TMEM131L: variants seen among roughly 807,000 people sequenced by gnomAD.
The protein encoded by TMEM131L is transmembrane protein 131-like.
In TMEM131L, 54 loss-of-function variants were observed where a neutral mutation model predicts 192.2. The observed-to-expected ratio is 0.28, with a 90% CI of 0.23 to 0.35. The LOEUF is 0.35. Among genes scored for constraint, TMEM131L ranks in the 10% least tolerant of loss-of-function variants. The pLI is 1.00. For synonymous variants in TMEM131L, 701 were observed against 704.9 expected (o/e 0.99, Z 0.09); for missense variants, 1,888 against 1,972.9 (o/e 0.96, Z 0.82).
In TMEM131L at chr4:153,587,600, C is replaced by T. The variant is rs923445462; in HGVS notation, c.1483-142C>T. ...TCAGATTTCTCTGAAAATTCCTTAA[C>T]AATTAGAAAGTAATTTTTGGCTCGT... On this transcript the variant is annotated intron_variant, in intron 14 of 34. Transcript: ENST00000409959. 7.4e-6 allele frequency: 5 copies of T among 677,846 alleles called. No homozygotes were observed. The African/African-American group carries it at 9.0e-5, about 12-fold the overall frequency. The allele number at this position is 677,846 out of a possible 1,614,324, so 42.0% of individuals were successfully genotyped here. A position where few individuals can be genotyped will look rare whatever the true frequency, so the allele number is the denominator to read the frequency against.
intron 3 of TMEM131L, among the ~76,000 whole-genome samples, chr4:153,515,342 T>C (rs1438401773): frequency 6.6e-6 from 1 of 152,222 alleles, no homozygotes; most frequent in African/African-American, 2.4e-5. Flanking sequence ...AATAGAATCA[T>C]GTAGCATGTG....
rs1482492067 is a variant in TMEM131L, at chr4:153,544,940, C to T, written c.240-5133C>T. Among the ~76,000 whole-genome samples the T allele has an allele frequency of 2.6e-5, 4 of 152,192 alleles. No individual in the cohort carries two copies. In the East Asian group the frequency reaches 7.7e-4, roughly 29 times the overall value. The stretch of plus-strand genomic sequence containing the variant: ...GTCAGCAGTCTCTGGCCCTGCCTCT[C>T]ACTCTGGGGAGATGAAGCTTTGTCT... On this transcript the variant is annotated intron_variant, in intron 3 of 34. Transcript: ENST00000409959.
intron 4 of TMEM131L, among the ~76,000 whole-genome samples, chr4:153,552,932 TGTTA>T (rs1306372007): frequency 1.5e-5 from 2 of 135,732 alleles, no homozygotes; most frequent in Non-Finnish European, 3.0e-5. Context: ...TTTCTTGTGT[TGTTA>T]TTTTTTGTGT....
In TMEM131L at chr4:153,555,020, T is replaced by C. The variant is rs1403238378; in HGVS notation, c.309-767T>C. 6.6e-6 allele frequency among the ~76,000 whole-genome samples: 1 copy of C among 152,196 alleles called. No homozygotes were observed. Among genetic ancestry groups the C allele is most frequent in the African/African-American group, 2.4e-5 (1 of 41,454 alleles). On this transcript the variant is annotated intron_variant, in intron 4 of 34. Transcript: ENST00000409959. This position sits in a 1 kb window ranked among gnomAD's most constrained non-coding sequence, Gnocchi z 4.1. ...GCAGGGATTCTTACTCTGAGGTTTG[T>C]GGAAGGTTTTGAAGCTGTGTATGAA...
intron 4 of TMEM131L, among the ~76,000 whole-genome samples, chr4:153,553,664 A>C (rs1361778269): frequency 6.6e-6 from 1 of 152,020 alleles, no homozygotes; most frequent in Non-Finnish European, 1.5e-5. Context: ...GCAAATCCCA[A>C]CCCTCTTCAT....
intron 29 of TMEM131L, among the ~76,000 whole-genome samples, chr4:153,624,836 A>G (rs1183902227): frequency 6.6e-6 from 1 of 152,066 alleles, no homozygotes; most frequent in Non-Finnish European, 1.5e-5. Flanking sequence ...AAGCTGTACT[A>G]TTTCTTCTCT....
chr4:153,492,471 T>C (rs1013165879), intron 3 of TMEM131L, among the ~76,000 whole-genome samples: 31 of 152,286 alleles, frequency 2.0e-4, no homozygotes, highest in African/African-American at 7.5e-4. Context: ...CACAAAACTT[T>C]GTTTAAATCA....
chr4:153,549,650 C>T (rs1331357475), intron 3 of TMEM131L, among the ~76,000 whole-genome samples: 1 of 152,186 alleles, frequency 6.6e-6, no homozygotes, highest in Non-Finnish European at 1.5e-5. Flanking sequence ...TGTAGCCTCA[C>T]CAGCTATGCG....
At chr4:153,470,573 CCTCTG>C (rs1216052551) in intron 2 of TMEM131L, among the ~76,000 whole-genome samples, 1 of 152,150 alleles carries the variant, frequency 6.6e-6, no homozygotes, top group Non-Finnish European at 1.5e-5. Flanking sequence ...CAGAAATTTT[CCTCTG>C]CTCTGACTGT....
chr4:153,563,606 C>A (rs1728992209), intron 7 of TMEM131L, among the ~76,000 whole-genome samples: 1 of 151,472 alleles, frequency 6.6e-6, no homozygotes, highest in Non-Finnish European at 1.5e-5. Context: ...TAGGTGAGAT[C>A]ACAGGTGCAT....
At chr4:153,625,232 A>G (rs1280076616) in intron 29 of TMEM131L, among the ~76,000 whole-genome samples, 1 of 152,066 alleles carries the variant, frequency 6.6e-6, no homozygotes, top group African/African-American at 2.4e-5. Context: ...CCAACGTAGC[A>G]AAACCCCATC....
chr4:153,577,931 G>A (rs1730067118), intron 7 of TMEM131L, among the ~76,000 whole-genome samples: 1 of 152,192 alleles, frequency 6.6e-6, no homozygotes, highest in African/African-American at 2.4e-5. Context: ...ACTAAGCTAG[G>A]GGAATCGATG....
intron 26 of TMEM131L, among the ~76,000 whole-genome samples, chr4:153,613,994 T>C (rs1394735494): frequency 6.6e-6 from 1 of 152,132 alleles, no homozygotes; most frequent in Non-Finnish European, 1.5e-5. Context: ...CCAAGATTCA[T>C]AGTAGAGGGG....
chr4:153,589,699 T>C (rs572741207), intron 16 of TMEM131L, among the ~76,000 whole-genome samples: 1 of 152,376 alleles, frequency 6.6e-6, no homozygotes, highest in African/African-American at 2.4e-5. Context: ...CCGTAGTTTC[T>C]AGTGATCGAT....
chr4:153,481,195 C>T (rs1580027779), intron 3 of TMEM131L, among the ~76,000 whole-genome samples: 1 of 152,142 alleles, frequency 6.6e-6, no homozygotes, highest in African/African-American at 2.4e-5. Flanking sequence ...TCCCTCCATC[C>T]TGCTTTCCAT....
chr4:153,568,339 C>T (rs894721704), intron 7 of TMEM131L, among the ~76,000 whole-genome samples: 5 of 152,182 alleles, frequency 3.3e-5, no homozygotes, highest in Non-Finnish European at 5.9e-5. Context: ...CCGTCTTCCT[C>T]CTTGTTTGTG....
chr4:153,518,247 A>G (rs1734870446), intron 3 of TMEM131L, among the ~76,000 whole-genome samples: 1 of 152,178 alleles, frequency 6.6e-6, no homozygotes, highest in Admixed American at 6.5e-5. Context: ...AGGACTGAAC[A>G]CTTGCACATT....
At chr4:153,626,084 T>C in intron 29 of TMEM131L, 63 bp from the exon 30 acceptor site, 1 of 1,009,736 alleles carries the variant, frequency 9.9e-7, no homozygotes, top group Admixed American at 1.8e-5. Context: ...TGCATTTTAA[T>C]ACCGAATATA....
intron 3 of TMEM131L, among the ~76,000 whole-genome samples, chr4:153,475,386 C>T (rs1731458418): frequency 6.6e-6 from 1 of 152,136 alleles, no homozygotes; most frequent in African/African-American, 2.4e-5. Flanking sequence ...AAAGCTGTTT[C>T]AGTACTTACA....
Sources: allele counts gnomAD v4.1 joint callset (sites outside exome capture counted in the v4.1 genomes callset), GRCh38; gene constraint gnomAD v4.1.1; non-coding constraint Gnocchi (gnomAD v3.1); transcripts MANE v1.5; gene names NCBI Gene and HGNC (gene_info 2026-07-23, HGNC 2026-07-21).